CD2AP: variants seen among roughly 807,000 people sequenced by gnomAD.
CD2AP encodes the protein CD2 associated protein.
A neutral mutation model predicts 85.1 loss-of-function variants in CD2AP; 46 were observed. The observed-to-expected ratio is 0.54, with a 90% CI of 0.43 to 0.69. The LOEUF is 0.69. Ranked by LOEUF, CD2AP falls within the 30% of genes least tolerant of loss-of-function variation. CD2AP has a pLI of 0.00. For synonymous variants in CD2AP, 255 were observed against 252.9 expected (o/e 1.01, Z -0.08); for missense variants, 769 against 729.5 (o/e 1.05, Z -0.62).
chr6:47,518,765 T>G (rs1766513358), intron 2 of CD2AP, among the ~76,000 whole-genome samples: 1 of 152,270 alleles, frequency 6.6e-6, no homozygotes. Flanking sequence ...ATGAATGTTC[T>G]AGTTGTACAT....
intron 2 of CD2AP, among the ~76,000 whole-genome samples, 171 bp downstream of exon 2, chr6:47,503,611 G>T (rs147303862): frequency 6.6e-6 from 1 of 152,276 alleles, no homozygotes; most frequent in Non-Finnish European, 1.5e-5. Context: ...GTTGCTCTGT[G>T]TCCTGCTGGA....
rs151064033 is a variant in CD2AP, at chr6:47,626,468, A to T, written c.*2241A>T. 4.8e-3 allele frequency: 736 copies of T among 152,514 alleles called. 3 individuals carry two copies. Among genetic ancestry groups the T allele is most frequent in the South Asian group, 0.021 (101 of 4,830 alleles). 9.4% of individuals were successfully genotyped at this position (152,514 alleles called of 1,614,324 possible). ...ATGAATTTTTTTTCTACGTGTGAGT[A>T]TAAAAGACAAAAGTTGAACAGCATG... is the stretch of plus-strand genomic sequence containing the variant. On this transcript the variant is annotated 3_prime_UTR_variant, in exon 18 of 18. Transcript: ENST00000359314.
chr6:47,603,942 A>G (rs1050636219), intron 13 of CD2AP, among the ~76,000 whole-genome samples: 4 of 151,902 alleles, frequency 2.6e-5, no homozygotes, highest in Admixed American at 6.6e-5. Flanking sequence ...CTGTCTGTCT[A>G]TTTATTCTAA....
At chr6:47,500,718 C>A (rs1274384798) in intron 1 of CD2AP, among the ~76,000 whole-genome samples, 1 of 151,606 alleles carries the variant, frequency 6.6e-6, no homozygotes, top group Non-Finnish European at 1.5e-5. Flanking sequence ...TAAAGAACAT[C>A]CAGAGTCTGC....
At chr6:47,560,361 C>CT (rs559198143) in intron 5 of CD2AP, among the ~76,000 whole-genome samples, 48 of 151,902 alleles carry the variant, frequency 3.2e-4, no homozygotes, top group South Asian at 1.9e-3. Flanking sequence ...CTCCATACAC[C>CT]TTTTTTTTAT....
At chr6:47,517,898 C>T (rs930587808) in intron 2 of CD2AP, among the ~76,000 whole-genome samples, 9 of 152,040 alleles carry the variant, frequency 5.9e-5, no homozygotes, top group South Asian at 2.1e-4. Context: ...ATGTATTAAG[C>T]GTTTAATCTA....
At chr6:47,549,024 C>T (rs1292898693) in intron 4 of CD2AP, among the ~76,000 whole-genome samples, 3 of 152,112 alleles carry the variant, frequency 2.0e-5, no homozygotes, top group African/African-American at 7.2e-5. Context: ...TTAAAACTCT[C>T]AGCAAAATTG....
chr6:47,545,612 C>T (rs1352879406), intron 4 of CD2AP, among the ~76,000 whole-genome samples: 3 of 152,276 alleles, frequency 2.0e-5, no homozygotes, highest in African/African-American at 7.2e-5. Flanking sequence ...AATACCCCGC[C>T]CGCTGGTCCC....
chr6:47,551,924 T>A (rs1273333678), intron 4 of CD2AP, among the ~76,000 whole-genome samples: 1 of 152,196 alleles, frequency 6.6e-6, no homozygotes, highest in African/African-American at 2.4e-5. Context: ...TTCACGGCTC[T>A]TAAGTGCAAG....
In CD2AP at chr6:47,609,224, G is replaced by GA. The variant is rs773479372; in HGVS notation, c.1742dup (p.Asn581LysfsTer5). 1.1e-5 allele frequency: 17 copies of GA among 1,612,608 alleles called. No individual in the cohort carries two copies. The highest frequency in any genetic ancestry group is 5.4e-5 in the African/African-American group (4 of 74,744). On this transcript the variant is annotated frameshift_variant, in exon 16 of 18. Coordinates refer to ENST00000359314, the MANE Select transcript of CD2AP (RefSeq NM_012120.3). LOFTEE classifies it high-confidence loss of function. ...AAGCTAAAGTGGAAACAGATGATGT[G>GA]AAAAAAAATTCCCTGGATGAACTTA...
At chr6:47,558,689 A>C (rs964709932) in intron 5 of CD2AP, among the ~76,000 whole-genome samples, 1 of 152,188 alleles carries the variant, frequency 6.6e-6, no homozygotes, top group Non-Finnish European at 1.5e-5. Context: ...ATTGTGGTGG[A>C]TAAGCTTTTT....
chr6:47,553,513 ATTTTTTTT>A (rs148273065), intron 4 of CD2AP, among the ~76,000 whole-genome samples: 1,209 of 110,540 alleles, frequency 0.011, 27 homozygotes, highest in African/African-American at 0.041. Context: ...CACCTAGTGA[ATTTTTTTT>A]TTTTTTTTTT....
chr6:47,580,907 A>G lies in CD2AP; in HGVS notation c.1045+7A>G, dbSNP rs1156643972. ...CCTCCTGCTAAGGCTCCAGGTATGTAAGAAGCATATTATTCAGTTTGCTAT... is the reference window on the plus strand; with the variant it reads ...CCTCCTGCTAAGGCTCCAGGTATGTGAGAAGCATATTATTCAGTTTGCTAT... On this transcript the variant is annotated splice_region_variant and intron_variant, in intron 10 of 17. Transcript: ENST00000359314. 3 of 1,590,662 alleles carry G rather than the reference A, an allele frequency of 1.9e-6. No individual in the cohort carries two copies. The highest frequency in any genetic ancestry group is 3.3e-5 in the Admixed American group (2 of 59,992).
intron 11 of CD2AP, among the ~76,000 whole-genome samples, chr6:47,586,880 A>G (rs764012977): frequency 1.1e-4 from 17 of 152,194 alleles, no homozygotes; most frequent in Non-Finnish European, 1.8e-4. Context: ...TAGGGTAGAT[A>G]TGAGAATTTT....
At chr6:47,518,122 A>G (rs2114002819) in intron 2 of CD2AP, among the ~76,000 whole-genome samples, 1 of 152,274 alleles carries the variant, frequency 6.6e-6, no homozygotes, top group Non-Finnish European at 1.5e-5. Context: ...TGGGGTTGTT[A>G]CAAAGGTTTT....
intron 5 of CD2AP, among the ~76,000 whole-genome samples, chr6:47,571,901 C>A (rs988979809): frequency 3.9e-5 from 6 of 152,016 alleles, no homozygotes; most frequent in African/African-American, 1.5e-4. Flanking sequence ...AATAACTTAC[C>A]TGCTTGCCAG....
Position 47,626,697 on chromosome 6 carries a change from CTT to C in CD2AP, c.*2475_*2476del, listed in dbSNP as rs537529054. ...CAGGCCTTGTGTAACAGAAGATACT[CTT>C]TTTTATGCTCCTTACTGTGATCACA... On this transcript the variant is annotated 3_prime_UTR_variant, in exon 18 of 18. Transcript: ENST00000359314. 6.6e-6 allele frequency: 1 copy of C among 152,414 alleles called. No homozygotes were observed. The highest frequency in any genetic ancestry group is 1.5e-5 in the Non-Finnish European group (1 of 67,878). 9.4% of individuals were successfully genotyped at this position (152,414 alleles called of 1,614,324 possible).
rs1766953992 is a variant in CD2AP, at chr6:47,533,750, A to T, written c.314A>T (p.Lys105Met). 1 of 1,613,784 alleles carries T rather than the reference A, an allele frequency of 6.2e-7. No individual in the cohort carries two copies. Among genetic ancestry groups the T allele is most frequent in the Non-Finnish European group, 8.5e-7 (1 of 1,179,874 alleles). The change falls in exon 3 of 18, where the codon AAG becomes ATG. Residue 105 changes from lysine (K) to methionine (M), a missense_variant. Coordinates refer to ENST00000359314, the MANE Select transcript of CD2AP (RefSeq NM_012120.3). ...IQPHPQTKNI[K>M]KKTKKRQCKV... ...CCACATCCACAAACCAAAAACATTA[A>T]GAAGAGTATGTAAATAATTCCTTTC...
At chr6:47,545,385 C>T (rs1767337231) in intron 4 of CD2AP, among the ~76,000 whole-genome samples, 1 of 152,144 alleles carries the variant, frequency 6.6e-6, no homozygotes, top group African/African-American at 2.4e-5. Flanking sequence ...AAATGCCTAG[C>T]CCCGCCCGCA....
Sources: gnomAD v4.1 joint callset for allele counts (sites outside exome capture counted in the v4.1 genomes callset) on GRCh38, gnomAD v4.1.1 for gene constraint, MANE v1.5 for transcripts, NCBI Gene and HGNC (gene_info 2026-07-23, HGNC 2026-07-21) for gene names.